UST: variants seen among roughly 807,000 people sequenced by gnomAD.
UST encodes chondroitin sulfate 2-O-sulfotransferase.
UST carries 21 observed loss-of-function variants against 45.6 expected under a neutral mutation model. The ratio of observed to expected loss-of-function variants is 0.46; its 90% CI spans 0.33 to 0.66. The LOEUF (loss-of-function observed/expected upper bound fraction) is 0.66, where lower values mean the gene tolerates loss of function less well. Among genes scored for constraint, UST ranks in the 30% least tolerant of loss-of-function variants. The pLI is 0.02. For synonymous variants in UST, 215 were observed against 200.6 expected (o/e 1.07, Z -0.61); for missense variants, 463 against 512.4 (o/e 0.90, Z 0.93).
intron 1 of UST, among the ~76,000 whole-genome samples, chr6:148,759,121 G>C (rs1483037951): frequency 6.6e-6 from 1 of 152,158 alleles, no homozygotes; most frequent in African/African-American, 2.4e-5. Flanking sequence ...ATGATTCTCA[G>C]CTGTTTCCGT....
At chr6:148,822,698 C>A (rs544949872) in intron 1 of UST, among the ~76,000 whole-genome samples, 1 of 152,200 alleles carries the variant, frequency 6.6e-6, no homozygotes, top group African/African-American at 2.4e-5. Flanking sequence ...TACAAACAAA[C>A]CTGATTTCCC....
chr6:148,896,004 T>C (rs1046684237), intron 2 of UST, among the ~76,000 whole-genome samples: 3 of 152,244 alleles, frequency 2.0e-5, no homozygotes, highest in Non-Finnish European at 2.9e-5. Context: ...TGTCCATTCC[T>C]TGCTTTGAGC....
rs555357459 is a variant in UST at position 148,953,628 on chromosome 6, G to A, written c.448-244G>A. On this transcript the variant is annotated intron_variant, in intron 3 of 7. Coordinates refer to ENST00000367463, the MANE Select transcript of UST (RefSeq NM_005715.3). ...TACTAAAAAATACAAAAAATTAGCC[G>A]GGCGTGGTGGCGGGCGCCTGTAGTC... Among the ~76,000 whole-genome samples, 316 of 152,084 alleles carry A rather than the reference G, an allele frequency of 2.1e-3. 1 individual carries two copies. Among genetic ancestry groups the A allele is most frequent in the African/African-American group, 5.8e-3 (241 of 41,496 alleles).
chr6:149,020,157 G>C lies in UST; in HGVS notation c.779+921G>C, dbSNP rs145032550. Among the ~76,000 whole-genome samples the C allele has an allele frequency of 7.9e-5, 12 of 152,326 alleles. No homozygotes were observed. The East Asian group carries it at 2.1e-3, about 27-fold the overall frequency. ...CATTGTACCTTTTTGCTTATGCTAT[G>C]ATTTCTGCTTCGTTTTTAGGCGTAT... is the stretch of plus-strand genomic sequence containing the variant. On this transcript the variant is annotated intron_variant, in intron 6 of 7. Transcript: ENST00000367463.
At chr6:148,808,461 C>T (rs72999153) in intron 1 of UST, among the ~76,000 whole-genome samples, 1,664 of 151,986 alleles carry the variant, frequency 0.011, 20 homozygotes, top group Admixed American at 0.021. Context: ...CCCTGGCAGC[C>T]GCCACCCTTT....
At chr6:148,871,513 G>A (rs1162758079) in intron 1 of UST, among the ~76,000 whole-genome samples, 1 of 152,158 alleles carries the variant, frequency 6.6e-6, no homozygotes, top group African/African-American at 2.4e-5. Context: ...TCACATTGCT[G>A]CACAGGCCTG....
At chr6:149,038,799 T>C (rs1426701012) in intron 7 of UST, among the ~76,000 whole-genome samples, 1 of 152,108 alleles carries the variant, frequency 6.6e-6, no homozygotes, top group African/African-American at 2.4e-5. Flanking sequence ...CTTTCTTTGT[T>C]GTAGAAAGGA....
rs373296081 is a variant in UST, at chr6:148,748,393, CA to C, written c.247+720del. Among the ~76,000 whole-genome samples, 1,678 of 138,778 alleles carry C rather than the reference CA, an allele frequency of 0.012. 30 individuals carry two copies. Among genetic ancestry groups the C allele is most frequent in the African/African-American group, 0.044 (1,582 of 35,868 alleles). The allele number at this position is 138,778 out of a possible 152,430, so 91.0% of individuals were successfully genotyped here. On this transcript the variant is annotated intron_variant, in intron 1 of 7. Coordinates refer to ENST00000367463, the MANE Select transcript of UST (RefSeq NM_005715.3). This position sits in a 1 kb window ranked among gnomAD's most constrained non-coding sequence, Gnocchi z 5.3. ...CGCTGTGTGCGTCTCAAGCTCAAGT[CA>C]AAACTTGTGTGTGTGTGTGTGTGTG...
intron 1 of UST, among the ~76,000 whole-genome samples, chr6:148,779,726 G>A (rs548619286): frequency 2.6e-5 from 4 of 152,284 alleles, no homozygotes; most frequent in African/African-American, 4.8e-5. Context: ...GGACATTTTT[G>A]GTCAAATAAG....
At chr6:148,926,364 C>T (rs905749130) in intron 2 of UST, among the ~76,000 whole-genome samples, 2 of 152,172 alleles carry the variant, frequency 1.3e-5, no homozygotes, top group Non-Finnish European at 2.9e-5. Context: ...ATCAGAAATG[C>T]ATTGGGCTAA....
chr6:148,815,318 A>G (rs1777334919), intron 1 of UST, among the ~76,000 whole-genome samples: 1 of 152,354 alleles, frequency 6.6e-6, no homozygotes, highest in South Asian at 2.1e-4. Flanking sequence ...CACACATGGA[A>G]GGGATGCTGT....
intron 1 of UST, among the ~76,000 whole-genome samples, chr6:148,825,996 T>G (rs1052896985): frequency 6.6e-6 from 1 of 152,174 alleles, no homozygotes; most frequent in African/African-American, 2.4e-5. Context: ...AAAGAGACAC[T>G]GAGAGCTGCT....
chr6:148,764,364 AT>A (rs1361661941), intron 1 of UST, among the ~76,000 whole-genome samples: 2 of 152,194 alleles, frequency 1.3e-5, no homozygotes, highest in Non-Finnish European at 2.9e-5. Flanking sequence ...TACTGAAGTA[AT>A]TTATCAAATC....
At chr6:148,972,461 G>C (rs2114969630) in intron 5 of UST, among the ~76,000 whole-genome samples, 1 of 152,362 alleles carries the variant, frequency 6.6e-6, no homozygotes, top group East Asian at 1.9e-4. Context: ...AGGGCTTAGG[G>C]AGGTGAGGAG....
chr6:148,779,789 A>G (rs944952411), intron 1 of UST, among the ~76,000 whole-genome samples: 2 of 152,164 alleles, frequency 1.3e-5, no homozygotes, highest in Non-Finnish European at 2.9e-5. Context: ...ACGTCTTAAC[A>G]TTTTAAAGCC....
chr6:148,766,519 C>G (rs1441301889), intron 1 of UST, among the ~76,000 whole-genome samples: 1 of 152,112 alleles, frequency 6.6e-6, no homozygotes, highest in Non-Finnish European at 1.5e-5. Flanking sequence ...AGATAATCAC[C>G]GTATTCATGG....
At chr6:149,052,607 TC>T (rs1776504421) in intron 7 of UST, among the ~76,000 whole-genome samples, 3 of 152,070 alleles carry the variant, frequency 2.0e-5, no homozygotes, top group African/African-American at 7.2e-5. Context: ...TCTCTCTCTC[TC>T]TCTCTCTGAA....
In UST at chr6:149,054,002, T is replaced by G. The variant is rs573706284; in HGVS notation, c.938-19831T>G. Reference sequence around the variant, plus strand: ...CTCTCCTGCCACCATCTGTCACCCCTGTCCAAGACACCAGCACAATTTGAG... The same window carrying G: ...CTCTCCTGCCACCATCTGTCACCCCGGTCCAAGACACCAGCACAATTTGAG... On this transcript the variant is annotated intron_variant, in intron 7 of 7. Coordinates refer to ENST00000367463, the MANE Select transcript of UST (RefSeq NM_005715.3). Among the ~76,000 whole-genome samples, 329 of 152,282 alleles carry G rather than the reference T, an allele frequency of 2.2e-3. 2 individuals carry two copies. The highest frequency in any genetic ancestry group is 3.7e-3 in the Non-Finnish European group (253 of 68,012).
intron 5 of UST, among the ~76,000 whole-genome samples, chr6:149,006,017 A>G (rs1412771716): frequency 6.6e-6 from 1 of 152,194 alleles, no homozygotes; most frequent in Non-Finnish European, 1.5e-5. Context: ...ACTGAAAACA[A>G]TTGGACAGGA....
Sources: gnomAD v4.1 joint callset for allele counts (sites outside exome capture counted in the v4.1 genomes callset) on GRCh38, gnomAD v4.1.1 for gene constraint, Gnocchi (gnomAD v3.1) non-coding constraint, MANE v1.5 for transcripts, NCBI Gene and HGNC (gene_info 2026-07-23, HGNC 2026-07-21) for gene names.